Variants in EYS observed in about 807,000 individuals in gnomAD.
The protein encoded by EYS is EGF-like photoreceptor maintenance factor.
Under a neutral mutation model 282.1 loss-of-function variants are expected in EYS, and 250 were observed. That is an observed-to-expected ratio of 0.89 (90% confidence interval 0.80 to 0.98). The LOEUF (loss-of-function observed/expected upper bound fraction) is 0.98. Ranked by LOEUF, EYS falls within the 50% of genes least tolerant of loss-of-function variation. EYS has a pLI of 0.00. For missense variants in EYS, 4,016 were observed against 3,709.0 expected (o/e 1.08, Z -2.15); for synonymous variants, 1,355 against 1,282.9 (o/e 1.06, Z -1.20).
chr6:65,357,375 C>A (rs1225507918), intron 8 of EYS, among the ~76,000 whole-genome samples: 5 of 151,812 alleles, frequency 3.3e-5, no homozygotes, highest in African/African-American at 1.2e-4. Context: ...TGTTCTTGTC[C>A]ATCGTCTATA....
At chr6:64,603,781 T>G (rs1234599162) in intron 24 of EYS, among the ~76,000 whole-genome samples, 1 of 151,938 alleles carries the variant, frequency 6.6e-6, no homozygotes, top group Non-Finnish European at 1.5e-5. Context: ...TCTATCTTAA[T>G]GGATTATATA....
At chr6:64,101,245 T>A (rs746353901) in intron 31 of EYS, among the ~76,000 whole-genome samples, 9 of 152,106 alleles carry the variant, frequency 5.9e-5, no homozygotes, top group Non-Finnish European at 8.8e-5. Flanking sequence ...CTATCTTCTG[T>A]GCCAACTGTC....
At chr6:64,359,380 A>G (rs2150407813) in intron 29 of EYS, among the ~76,000 whole-genome samples, 1 of 151,728 alleles carries the variant, frequency 6.6e-6, no homozygotes. Flanking sequence ...GCTTTGATAA[A>G]CTCCCTGTAA....
intron 22 of EYS, among the ~76,000 whole-genome samples, chr6:64,756,186 A>C (rs910160976): frequency 6.6e-6 from 1 of 152,170 alleles, no homozygotes; most frequent in Non-Finnish European, 1.5e-5. Context: ...TTTGTTTCAC[A>C]ATTTGTTTTA....
At chr6:64,637,496 T>C (rs10944654) in intron 22 of EYS, among the ~76,000 whole-genome samples, 83,065 of 83,398 alleles carry the variant, frequency 1, 41,474 homozygotes, top group Middle Eastern at 1. Context: ...TAATGTTAAA[T>C]GACGAGTTAA....
At chr6:64,871,325 A>AC in intron 19 of EYS, among the ~76,000 whole-genome samples, 1 of 99,790 alleles carries the variant, frequency 1.0e-5, no homozygotes, top group East Asian at 7.8e-4. Context: ...GTTGCTTCTC[A>AC]AAAAAAAAAA....
intron 28 of EYS, among the ~76,000 whole-genome samples, chr6:64,431,086 A>T (rs1416080195): frequency 6.6e-6 from 1 of 152,134 alleles, no homozygotes; most frequent in Non-Finnish European, 1.5e-5. Flanking sequence ...AAAGACCTTG[A>T]CTTTAGGGAG....
intron 27 of EYS, among the ~76,000 whole-genome samples, chr6:64,437,064 A>T (rs982626641): frequency 3.3e-5 from 5 of 151,562 alleles, no homozygotes; most frequent in African/African-American, 9.7e-5. Flanking sequence ...CATATAGTCC[A>T]AAGATAAAGA....
intron 29 of EYS, among the ~76,000 whole-genome samples, chr6:64,371,661 T>A (rs1772379378): frequency 6.6e-6 from 1 of 152,144 alleles, no homozygotes; most frequent in Non-Finnish European, 1.5e-5. Context: ...TCTTTTTAGG[T>A]CTCTAAGAGC....
rs1770147880 is a variant in EYS at position 64,686,845 on chromosome 6, A to ATATATGTGTATATATATACGTG, written c.3444-60601_3444-60600insCACGTATATATATACACATATA. On this transcript the variant is annotated intron_variant, in intron 22 of 42. Transcript: ENST00000503581. ...TGTGTATATATATATATACGTGTAT[A>ATATATGTGTATATATATACGTG]TATATATATGTGTATATATATACGT... is the stretch of plus-strand genomic sequence containing the variant. 3.2e-5 allele frequency among the ~76,000 whole-genome samples: 2 copies of ATATATGTGTATATATATACGTG among 62,356 alleles called. 1 individual carries two copies. Among genetic ancestry groups the ATATATGTGTATATATATACGTG allele is most frequent in the African/African-American group, 1.3e-4 (2 of 15,134 alleles). The allele number at this position is 62,356 out of a possible 152,430, so 40.9% of individuals were successfully genotyped here. A position where few individuals can be genotyped will look rare whatever the true frequency, so the allele number is the denominator to read the frequency against.
At chr6:64,313,297 A>G (rs924366439) in intron 29 of EYS, among the ~76,000 whole-genome samples, 3 of 54,578 alleles carry the variant, frequency 5.5e-5, no homozygotes, top group African/African-American at 1.4e-4. Flanking sequence ...TTGAAGATCA[A>G]CTCAATGAAA....
chr6:63,720,623 A>G lies in EYS; in HGVS notation c.9408T>C (p.Asp3136=), dbSNP rs2149623385. ...LIKLEGYNVY[D]GDEQNEVT ...ATGTAACCTCATTTTGTTCATCTCC[A>G]TCATAAACATTGTATCCTTCTAATT... The change falls in exon 43 of 43, where the codon GAT becomes GAC. Residue 3136 remains aspartate (D), a synonymous_variant. Transcript: ENST00000503581. The G allele has an allele frequency of 6.7e-7, 1 of 1,503,404 alleles. No homozygotes were observed. Among genetic ancestry groups the G allele is most frequent in the South Asian group, 1.3e-5 (1 of 74,686 alleles). 93.1% of individuals were successfully genotyped at this position (1,503,404 alleles called of 1,614,324 possible). A position where few individuals can be genotyped will look rare whatever the true frequency, so the allele number is the denominator to read the frequency against.
chr6:64,497,685 G>A lies in EYS; in HGVS notation c.5645-58333C>T, dbSNP rs144571079. ...GACAGACTCACGGGCAAACCAGTTCGGAAGGTATCCCATTAACCCAGGCAT... is the reference window on the plus strand; with the variant it reads ...GACAGACTCACGGGCAAACCAGTTCAGAAGGTATCCCATTAACCCAGGCAT... On this transcript the variant is annotated intron_variant, in intron 26 of 42. Transcript: ENST00000503581. 4.5e-4 allele frequency among the ~76,000 whole-genome samples: 69 copies of A among 152,150 alleles called. 1 individual carries two copies. The East Asian group carries it at 9.9e-3, about 22-fold the overall frequency.
intron 36 of EYS, among the ~76,000 whole-genome samples, chr6:63,828,637 A>G (rs1771538815): frequency 6.6e-6 from 1 of 152,204 alleles, no homozygotes; most frequent in Admixed American, 6.5e-5. Flanking sequence ...AAAACAAACA[A>G]TCCTATCAAA....
chr6:64,668,168 A>G (rs1017799056), intron 22 of EYS, among the ~76,000 whole-genome samples: 1 of 152,212 alleles, frequency 6.6e-6, no homozygotes, highest in Admixed American at 6.5e-5. Context: ...AGACAATAAT[A>G]CTAATAAATT....
At chr6:64,404,106 C>T (rs563298589) in intron 28 of EYS, among the ~76,000 whole-genome samples, 9 of 152,064 alleles carry the variant, frequency 5.9e-5, no homozygotes, top group Middle Eastern at 3.4e-3. Context: ...AGATTAGTCA[C>T]ATAATTAAGT....
chr6:64,692,000 T>C (rs1770401966), intron 22 of EYS, among the ~76,000 whole-genome samples: 1 of 152,174 alleles, frequency 6.6e-6, no homozygotes, highest in South Asian at 2.1e-4. Flanking sequence ...ATTTATTTTC[T>C]TGTGGATATA....
intron 12 of EYS, among the ~76,000 whole-genome samples, chr6:65,220,601 A>G (rs1273677801): frequency 2.0e-5 from 3 of 152,174 alleles, no homozygotes; most frequent in Non-Finnish European, 4.4e-5. Context: ...AGTCTTGAGT[A>G]TGTCTTTATT....
intron 28 of EYS, among the ~76,000 whole-genome samples, chr6:64,401,300 A>C (rs1773530749): frequency 6.6e-6 from 1 of 152,114 alleles, no homozygotes. Context: ...TCTTAATTGA[A>C]AGCAATAAAC....
Sources: gnomAD v4.1 joint callset for allele counts (sites outside exome capture counted in the v4.1 genomes callset) on GRCh38, gnomAD v4.1.1 for gene constraint, MANE v1.5 for transcripts, NCBI Gene and HGNC (gene_info 2026-07-23, HGNC 2026-07-21) for gene names.